Variants in EPHA6 observed in about 807,000 individuals in gnomAD.
EPHA6 encodes the protein EPH receptor A6, also known as ephrin type-A receptor 6.
A neutral mutation model predicts 112.0 loss-of-function variants in EPHA6; 50 were observed. The observed-to-expected ratio is 0.45, with a 90% CI of 0.36 to 0.56. The LOEUF (loss-of-function observed/expected upper bound fraction) is 0.56, where lower values mean the gene tolerates loss of function less well. EPHA6 is among the 20% of genes least tolerant of loss of function. The pLI is 0.00. For synonymous variants in EPHA6, 529 were observed against 490.7 expected (o/e 1.08, Z -1.03); for missense variants, 1,280 against 1,417.4 (o/e 0.90, Z 1.56).
chr3:97,548,113 G>A (rs538642235), intron 11 of EPHA6, among the ~76,000 whole-genome samples: 5 of 152,252 alleles, frequency 3.3e-5, no homozygotes, highest in East Asian at 1.9e-4. Context: ...AGATGAACCC[G>A]GTTCCTCAGT....
chr3:96,945,086 T>C (rs1243517225), intron 2 of EPHA6, among the ~76,000 whole-genome samples: 2 of 152,254 alleles, frequency 1.3e-5, no homozygotes, highest in Non-Finnish European at 2.9e-5. Context: ...TTTTACTTTT[T>C]CTGAAACTGT....
At chr3:97,537,291 G>A (rs1487554321) in intron 11 of EPHA6, among the ~76,000 whole-genome samples, 2 of 151,962 alleles carry the variant, frequency 1.3e-5, no homozygotes, top group Non-Finnish European at 2.9e-5. Context: ...CCTAGTTAAG[G>A]TAGGTTAAGA....
chr3:97,349,205 T>C (rs1323384001), intron 5 of EPHA6, among the ~76,000 whole-genome samples: 1 of 152,022 alleles, frequency 6.6e-6, no homozygotes, highest in Non-Finnish European at 1.5e-5. Flanking sequence ...CTTATAAAGG[T>C]TTTTAATAAA....
chr3:96,819,711 A>G (rs1036596747), intron 1 of EPHA6, among the ~76,000 whole-genome samples: 6 of 152,136 alleles, frequency 3.9e-5, no homozygotes, highest in African/African-American at 1.4e-4. Context: ...GCGTATCTCT[A>G]CAGTGTTCTG....
chr3:97,442,958 T>C (rs896370181), intron 6 of EPHA6, among the ~76,000 whole-genome samples: 2 of 152,192 alleles, frequency 1.3e-5, no homozygotes, highest in African/African-American at 4.8e-5. Context: ...GCTTTGCTAA[T>C]GCCATAGTTC....
At chr3:96,977,902 T>G (rs977148223) in intron 2 of EPHA6, among the ~76,000 whole-genome samples, 1 of 152,202 alleles carries the variant, frequency 6.6e-6, no homozygotes. Flanking sequence ...CTCATGCCTG[T>G]AATCCCAGAA....
rs2080986453 is a variant in EPHA6 at position 97,299,049 on chromosome 3, A to C, written c.1606+54762A>C. On this transcript the variant is annotated intron_variant, in intron 5 of 17. Coordinates refer to ENST00000389672, the MANE Select transcript of EPHA6 (RefSeq NM_001080448.3). Reference sequence around the variant, plus strand: ...TGCATTTTTAAAACACTGCCAGTTGATGATCTTATAAATTTTTTCTCAATG... The same window carrying C: ...TGCATTTTTAAAACACTGCCAGTTGCTGATCTTATAAATTTTTTCTCAATG... 2.0e-5 allele frequency among the ~76,000 whole-genome samples: 3 copies of C among 152,278 alleles called. No individual in the cohort carries two copies. In the South Asian group the frequency reaches 6.2e-4, roughly 32 times the overall value.
intron 1 of EPHA6, among the ~76,000 whole-genome samples, chr3:96,816,461 C>T (rs910544491): frequency 2.0e-5 from 3 of 152,118 alleles, no homozygotes; most frequent in African/African-American, 7.2e-5. Flanking sequence ...TAGTTAACTT[C>T]ATTTCTGTGA....
intron 6 of EPHA6, among the ~76,000 whole-genome samples, chr3:97,419,903 C>A (rs997856798): frequency 6.6e-6 from 1 of 151,698 alleles, no homozygotes; most frequent in African/African-American, 2.4e-5. Flanking sequence ...ACTGGGAAGC[C>A]GCTAGAAATC....
intron 3 of EPHA6, among the ~76,000 whole-genome samples, chr3:97,208,023 A>G (rs563876965): frequency 2.6e-5 from 4 of 152,138 alleles, no homozygotes; most frequent in Non-Finnish European, 4.4e-5. Context: ...TCACATCTGT[A>G]AAACTGACAT....
At chr3:97,637,713 A>G (rs755049786) in intron 13 of EPHA6, among the ~76,000 whole-genome samples, 160 bp from the exon 14 acceptor site, 2 of 152,152 alleles carry the variant, frequency 1.3e-5, no homozygotes, top group African/African-American at 4.8e-5. Context: ...TAAATGTCAA[A>G]CAAATTATTA....
chr3:96,998,761 AAGAG>A (rs927791381), intron 3 of EPHA6, among the ~76,000 whole-genome samples: 7 of 151,698 alleles, frequency 4.6e-5, no homozygotes, highest in South Asian at 4.2e-4. Flanking sequence ...GAGACAGAGA[AAGAG>A]AGAGAGAGAA....
intron 5 of EPHA6, among the ~76,000 whole-genome samples, chr3:97,355,980 T>C (rs1453918970): frequency 6.6e-6 from 1 of 152,110 alleles, no homozygotes; most frequent in African/African-American, 2.4e-5. Context: ...AGCAAGAGGA[T>C]GCAACAATTG....
At chr3:97,146,351 T>C (rs2076042774) in intron 3 of EPHA6, among the ~76,000 whole-genome samples, 1 of 151,932 alleles carries the variant, frequency 6.6e-6, no homozygotes, top group Non-Finnish European at 1.5e-5. Flanking sequence ...TCTCATTCTC[T>C]TTGCTGCTGG....
At chr3:97,393,188 A>G (rs2086514296) in intron 5 of EPHA6, among the ~76,000 whole-genome samples, 1 of 151,920 alleles carries the variant, frequency 6.6e-6, no homozygotes, top group Non-Finnish European at 1.5e-5. Flanking sequence ...TAGTGGTACA[A>G]CATATATTCT....
chr3:97,183,222 A>G (rs1490308344), intron 3 of EPHA6, among the ~76,000 whole-genome samples: 1 of 152,120 alleles, frequency 6.6e-6, no homozygotes, highest in Non-Finnish European at 1.5e-5. Context: ...GGTACAATCG[A>G]GTAGAGTCAA....
In EPHA6 at chr3:96,994,728, TATATAGAG is replaced by T. The variant is rs1195945732; in HGVS notation, c.1114+6737_1114+6744del. Among the ~76,000 whole-genome samples the T allele has an allele frequency of 1.9e-3, 152 of 78,820 alleles. 1 individual carries two copies. In the Middle Eastern group the frequency reaches 0.022, roughly 12 times the overall value. The allele number at this position is 78,820 out of a possible 152,430, so 51.7% of individuals were successfully genotyped here. On this transcript the variant is annotated intron_variant, in intron 3 of 17. Transcript: ENST00000389672. Reference sequence around the variant, plus strand: ...GTGTGTGTATATATATATATATATATATATAGAGAGAGAGAGAGAGAGAGAGAGAGAGA... The same window carrying T: ...GTGTGTGTATATATATATATATATATAGAGAGAGAGAGAGAGAGAGAGAGA...
chr3:96,986,363 A>G (rs1330839371), intron 2 of EPHA6, among the ~76,000 whole-genome samples: 4 of 152,170 alleles, frequency 2.6e-5, no homozygotes, highest in Non-Finnish European at 5.9e-5. Flanking sequence ...AATGCTTAAT[A>G]AAGACTTTTG....
At chr3:97,467,623 G>T (rs558036856) in intron 7 of EPHA6, among the ~76,000 whole-genome samples, 5 of 151,868 alleles carry the variant, frequency 3.3e-5, no homozygotes, top group African/African-American at 9.6e-5. Context: ...ACTTTTTAAA[G>T]GATGAAAGAT....
Sources: allele counts gnomAD v4.1 joint callset (sites outside exome capture counted in the v4.1 genomes callset), GRCh38; gene constraint gnomAD v4.1.1; transcripts MANE v1.5; gene names NCBI Gene and HGNC (gene_info 2026-07-23, HGNC 2026-07-21).